SHISA9: variants seen among roughly 807,000 people sequenced by gnomAD.
SHISA9 encodes shisa family member 9, also known as protein shisa-9.
In SHISA9, 13 loss-of-function variants were observed where a neutral mutation model predicts 38.0. That is an observed-to-expected ratio of 0.34 (90% confidence interval 0.22 to 0.54). The LOEUF (loss-of-function observed/expected upper bound fraction) is 0.54, where lower values mean the gene tolerates loss of function less well. Among genes scored for constraint, SHISA9 ranks in the 20% least tolerant of loss-of-function variants. The probability of loss-of-function intolerance (pLI) is 0.91; values close to 1 mark genes in which losing one functional copy is unlikely to be tolerated. For synonymous variants in SHISA9, 275 were observed against 242.0 expected, an observed-to-expected ratio of 1.14 and a Z score of -1.27; for missense variants, 538 against 575.8, an observed-to-expected ratio of 0.93 and a Z score of 0.67.
At chr16:12,920,871 T>G (rs998411952) in intron 2 of SHISA9, among the ~76,000 whole-genome samples, 6 of 152,220 alleles carry the variant, frequency 3.9e-5, no homozygotes, top group African/African-American at 1.4e-4. Context: ...CACGTTGTCT[T>G]TAATAGAGCA....
intron 2 of SHISA9, among the ~76,000 whole-genome samples, chr16:12,927,767 C>A (rs530960943): frequency 5.9e-5 from 9 of 152,140 alleles, no homozygotes; most frequent in South Asian, 2.1e-4. Flanking sequence ...CTCCCACCCC[C>A]CATAGATCTG....
the SHISA9 span, among the ~76,000 whole-genome samples, chr16:13,294,798 A>G: frequency 6.6e-6 from 1 of 152,166 alleles, no homozygotes. Flanking sequence ...GTTGAGTGGG[A>G]AGCATAATTA....
At chr16:13,399,440 C>G in the SHISA9 span, among the ~76,000 whole-genome samples, 23 of 152,110 alleles carry the variant, frequency 1.5e-4, no homozygotes, top group African/African-American at 5.6e-4. Context: ...GTTCTTTGTT[C>G]TACCACAGAA....
At chr16:12,911,256 C>G (rs560238079) in intron 1 of SHISA9, 1 of 985,186 alleles carries the variant, frequency 1.0e-6, no homozygotes, top group Non-Finnish European at 1.2e-6. Context: ...CTGGATGCAC[C>G]GTAACATCTG....
chr16:13,347,732 A>C, the SHISA9 span, among the ~76,000 whole-genome samples: 2 of 152,172 alleles, frequency 1.3e-5, no homozygotes, highest in Admixed American at 1.3e-4. Flanking sequence ...GCCTGTCTTC[A>C]TTCTCCTGCA....
intron 4 of SHISA9, among the ~76,000 whole-genome samples, chr16:13,226,659 A>G (rs2142080427): frequency 1.3e-5 from 2 of 152,282 alleles, no homozygotes; most frequent in East Asian, 3.9e-4. Flanking sequence ...TCAACGGAGA[A>G]GTTCTTGTTT....
At chr16:13,388,163 T>C in the SHISA9 span, among the ~76,000 whole-genome samples, 2 of 152,004 alleles carry the variant, frequency 1.3e-5, no homozygotes, top group African/African-American at 2.4e-5. Context: ...ATCCTGTGGA[T>C]TGAGATGTGG....
chr16:13,227,222 A>G (rs2051287984), intron 4 of SHISA9, among the ~76,000 whole-genome samples: 1 of 152,236 alleles, frequency 6.6e-6, no homozygotes, highest in South Asian at 2.1e-4. Context: ...TGACTAAATG[A>G]TTGAACAAAC....
At chr16:13,118,896 AT>A (rs1274858123) in intron 2 of SHISA9, among the ~76,000 whole-genome samples, 4 of 151,440 alleles carry the variant, frequency 2.6e-5, no homozygotes, top group African/African-American at 9.7e-5. Flanking sequence ...TGCCCAGCTA[AT>A]TTTTTTGTAT....
At chr16:13,217,830 G>A (rs930272303) in intron 4 of SHISA9, among the ~76,000 whole-genome samples, 5 of 152,148 alleles carry the variant, frequency 3.3e-5, no homozygotes, top group Non-Finnish European at 5.9e-5. Flanking sequence ...AGGAGTTCGA[G>A]ACCATCCTGG....
intron 2 of SHISA9, among the ~76,000 whole-genome samples, chr16:12,962,465 AT>A (rs1290225596): frequency 6.6e-6 from 1 of 152,222 alleles, no homozygotes; most frequent in African/African-American, 2.4e-5. Flanking sequence ...ATATGCTGAT[AT>A]TTAGAGGGCC....
intron 2 of SHISA9, among the ~76,000 whole-genome samples, chr16:13,200,323 C>G (rs949441801): frequency 1.3e-5 from 2 of 151,906 alleles, no homozygotes; most frequent in African/African-American, 4.8e-5. Context: ...ATCACGGTAA[C>G]TGTCTTAGTT....
At chr16:13,309,367 G>T in the SHISA9 span, among the ~76,000 whole-genome samples, 1 of 152,104 alleles carries the variant, frequency 6.6e-6, no homozygotes, top group African/African-American at 2.4e-5. Flanking sequence ...TTGAGGCCGG[G>T]CGCAGTGACT....
At chr16:12,984,886 G>A (rs1479830216) in intron 2 of SHISA9, among the ~76,000 whole-genome samples, 4 of 152,114 alleles carry the variant, frequency 2.6e-5, no homozygotes, top group Non-Finnish European at 5.9e-5. Flanking sequence ...GCATAGAAGA[G>A]CCCAGTTCTC....
intron 2 of SHISA9, among the ~76,000 whole-genome samples, chr16:12,996,292 T>G (rs1051153165): frequency 3.9e-5 from 6 of 152,136 alleles, no homozygotes; most frequent in African/African-American, 1.4e-4. Context: ...TGGCTTCTCT[T>G]GAAGAAAAAA....
intron 2 of SHISA9, among the ~76,000 whole-genome samples, chr16:13,162,566 A>G (rs557535872): frequency 6.6e-6 from 1 of 152,172 alleles, no homozygotes; most frequent in Non-Finnish European, 1.5e-5. Flanking sequence ...AACTCATCCA[A>G]ACTCTCCTCT....
At chr16:13,371,710 A>T in the SHISA9 span, among the ~76,000 whole-genome samples, 1 of 152,198 alleles carries the variant, frequency 6.6e-6, no homozygotes, top group Non-Finnish European at 1.5e-5. Context: ...GCATCAGTTC[A>T]CTCAACATCT....
At chr16:13,048,061 G>A (rs2073207442) in intron 2 of SHISA9, among the ~76,000 whole-genome samples, 1 of 152,188 alleles carries the variant, frequency 6.6e-6, no homozygotes, top group East Asian at 1.9e-4. Flanking sequence ...GAGGCCTTCT[G>A]AAGGATATTA....
intron 2 of SHISA9, among the ~76,000 whole-genome samples, chr16:12,968,316 G>A (rs1001379055): frequency 4.0e-5 from 6 of 151,008 alleles, no homozygotes; most frequent in African/African-American, 1.5e-4. Flanking sequence ...AAGATCCTGG[G>A]TAATTCCAAT....
Sources: gnomAD v4.1 joint callset for allele counts (sites outside exome capture counted in the v4.1 genomes callset) on GRCh38, gnomAD v4.1.1 for gene constraint, MANE v1.5 for transcripts, NCBI Gene and HGNC (gene_info 2026-07-23, HGNC 2026-07-21) for gene names.